The following ACOXL variants were observed in gnomAD, a reference collection of about 807,000 sequenced individuals.
ACOXL encodes the protein acyl-coenzyme A oxidase-like protein.
Under a neutral mutation model 71.9 loss-of-function variants are expected in ACOXL, and 70 were observed. The ratio of observed to expected loss-of-function variants is 0.97; its 90% CI spans 0.80 to 1.19. The LOEUF (loss-of-function observed/expected upper bound fraction) is 1.19, where lower values mean the gene tolerates loss of function less well. Ranked by LOEUF, ACOXL falls within the 50% of genes most tolerant of loss-of-function variation. The probability of loss-of-function intolerance (pLI) is 0.00; values close to 1 mark genes in which losing one functional copy is unlikely to be tolerated. For synonymous variants in ACOXL, 253 were observed against 281.6 expected, an observed-to-expected ratio of 0.90 and a Z score of 1.02; for missense variants, 703 against 736.3, an observed-to-expected ratio of 0.95 and a Z score of 0.52.
intron 9 of ACOXL, among the ~76,000 whole-genome samples, chr2:110,810,280 A>G (rs1379952683): frequency 1.3e-5 from 2 of 152,168 alleles, no homozygotes; most frequent in African/African-American, 2.4e-5. Context: ...CTTTGTGTTC[A>G]TCTATTCTTG....
chr2:110,870,663 G>C (rs902691264), intron 10 of ACOXL, among the ~76,000 whole-genome samples: 1 of 152,170 alleles, frequency 6.6e-6, no homozygotes, highest in Non-Finnish European at 1.5e-5. Flanking sequence ...GTTCCATACC[G>C]TGTACACCTG....
intron 10 of ACOXL, among the ~76,000 whole-genome samples, chr2:110,863,711 A>G (rs758818582): frequency 1.3e-5 from 2 of 151,996 alleles, no homozygotes; most frequent in Non-Finnish European, 2.9e-5. Flanking sequence ...CCTGGGGTTT[A>G]TGGCCTCCAG....
chr2:111,047,395 A>G (rs1310604471), intron 15 of ACOXL, among the ~76,000 whole-genome samples: 1 of 152,236 alleles, frequency 6.6e-6, no homozygotes, highest in Non-Finnish European at 1.5e-5. Context: ...GTAAGATTCT[A>G]AGTTACAGCA....
chr2:111,052,524 G>T (rs1460579457), intron 16 of ACOXL, among the ~76,000 whole-genome samples: 1 of 152,150 alleles, frequency 6.6e-6, no homozygotes, highest in Non-Finnish European at 1.5e-5. Context: ...GACCCGAGAA[G>T]GGGGCTAGGG....
rs199706825 is a variant in ACOXL, at chr2:110,995,969, C to T, written c.1246C>T (p.Leu416Phe). The change falls in exon 14 of 18, where the codon CTT becomes TTT. Residue 416 changes from leucine to phenylalanine, a missense_variant. Leu to Phe is a conservative substitution (Grantham distance 22). Coordinates refer to ENST00000439055, the MANE Select transcript of ACOXL (RefSeq NM_001142807.4). ...AGCAGTGAAATTTCGTGAAAGGGTT[C>T]TTCAGCGGGGTTTGGTGGCCAGAAT... ...LKAVKFRERV[L>F]QRGLVARIYY... The T allele has an allele frequency of 4.4e-6, 7 of 1,590,658 alleles. No individual in the cohort carries two copies. The highest frequency in any genetic ancestry group is 5.9e-6 in the Non-Finnish European group (7 of 1,179,118).
chr2:110,789,397 G>A (rs1684390421), intron 3 of ACOXL, among the ~76,000 whole-genome samples: 1 of 152,100 alleles, frequency 6.6e-6, no homozygotes, highest in South Asian at 2.1e-4. Flanking sequence ...AGCCTGCTTG[G>A]ACTGCTATAA....
intron 12 of ACOXL, among the ~76,000 whole-genome samples, chr2:110,979,166 T>C (rs891590663): frequency 1.3e-5 from 2 of 152,178 alleles, no homozygotes; most frequent in African/African-American, 2.4e-5. Context: ...ACCCAGTCAC[T>C]ACTGGGGTTA....
intron 10 of ACOXL, among the ~76,000 whole-genome samples, chr2:110,849,641 C>T (rs1426714653): frequency 2.6e-5 from 4 of 152,086 alleles, no homozygotes; most frequent in African/African-American, 9.7e-5. Flanking sequence ...GCTTGTAATC[C>T]CAGCTACTCA....
chr2:110,895,849 G>A (rs1414700231), intron 10 of ACOXL, among the ~76,000 whole-genome samples: 15 of 151,870 alleles, frequency 9.9e-5, no homozygotes, highest in Non-Finnish European at 2.9e-5. Context: ...TTCAGATGAA[G>A]GGAAACTAAA....
At position 111,117,742 on chromosome 2, in the gene ACOXL, T is replaced by C. The variant is rs999015986; in HGVS notation, c.1669T>C (p.Tyr557His). The C allele has an allele frequency of 1.3e-6, 2 of 1,551,486 alleles. No individual in the cohort carries two copies. The highest frequency in any genetic ancestry group is 3.9e-5 in the Admixed American group (2 of 50,996). ...ISNPRAAWAF[Y>H]PAPLQPRPRE... ...CAACCCGCGGGCCGCGTGGGCTTTC[T>C]ACCCTGCACCGCTGCAGCCGCGGCC... The change falls in exon 18 of 18, where the codon TAC becomes CAC. Residue 557 changes from tyrosine (Y) to histidine (H), a missense_variant. Coordinates refer to ENST00000439055, the MANE Select transcript of ACOXL (RefSeq NM_001142807.4).
intron 12 of ACOXL, among the ~76,000 whole-genome samples, chr2:110,959,899 A>G (rs2061637204): frequency 6.6e-6 from 1 of 152,208 alleles, no homozygotes; most frequent in Non-Finnish European, 1.5e-5. Context: ...CCAGAGTAGC[A>G]CAAGGCAGGG....
At chr2:110,979,150 G>A (rs2062592920) in intron 12 of ACOXL, among the ~76,000 whole-genome samples, 1 of 152,112 alleles carries the variant, frequency 6.6e-6, no homozygotes, top group South Asian at 2.1e-4. Flanking sequence ...CCTGAGTTCG[G>A]TTCAGACCCA....
At chr2:110,832,217 C>T (rs1157128145) in intron 9 of ACOXL, among the ~76,000 whole-genome samples, 1 of 152,016 alleles carries the variant, frequency 6.6e-6, no homozygotes, top group East Asian at 1.9e-4. Flanking sequence ...AATTCTTAGA[C>T]GTATCACTAA....
chr2:110,939,253 T>C (rs780626470), intron 12 of ACOXL, among the ~76,000 whole-genome samples: 3 of 152,220 alleles, frequency 2.0e-5, no homozygotes, highest in Non-Finnish European at 4.4e-5. Context: ...TTTATTGCAT[T>C]ATTTTTATCA....
intron 12 of ACOXL, among the ~76,000 whole-genome samples, chr2:110,961,027 G>A (rs991172009): frequency 2.0e-5 from 3 of 152,352 alleles, no homozygotes; most frequent in Admixed American, 6.5e-5. Flanking sequence ...GTGAGGCCAG[G>A]CCTTTCTGGC....
intron 16 of ACOXL, among the ~76,000 whole-genome samples, chr2:111,052,284 C>T (rs1371913032): frequency 6.6e-6 from 1 of 152,182 alleles, no homozygotes; most frequent in Non-Finnish European, 1.5e-5. Flanking sequence ...GAAAATTCCA[C>T]CACTCCACCC....
At chr2:110,755,232 T>C (rs1049471253) in intron 1 of ACOXL, among the ~76,000 whole-genome samples, 4 of 152,170 alleles carry the variant, frequency 2.6e-5, no homozygotes, top group Admixed American at 2.6e-4. Context: ...GAGGCCTGAC[T>C]CCCACCCCCA....
chr2:111,018,342 C>T (rs902261708), intron 14 of ACOXL, among the ~76,000 whole-genome samples: 1 of 152,170 alleles, frequency 6.6e-6, no homozygotes, highest in South Asian at 2.1e-4. Context: ...GCAGAGCGTG[C>T]CCTGTCCTAT....
intron 15 of ACOXL, among the ~76,000 whole-genome samples, chr2:111,037,913 A>T (rs1167057364): frequency 1.3e-5 from 2 of 152,146 alleles, no homozygotes; most frequent in African/African-American, 4.8e-5. Flanking sequence ...TTGTGCATTT[A>T]TTTATGGTAA....
Sources: allele counts gnomAD v4.1 joint callset (sites outside exome capture counted in the v4.1 genomes callset), GRCh38; gene constraint gnomAD v4.1.1; transcripts MANE v1.5; gene names NCBI Gene and HGNC (gene_info 2026-07-23, HGNC 2026-07-21).